The following SPIRE1 variants were observed in gnomAD, a reference collection of about 807,000 sequenced individuals.
The protein encoded by SPIRE1 is protein spire homolog 1.
Under a neutral mutation model 94.1 loss-of-function variants are expected in SPIRE1, and 40 were observed. The ratio of observed to expected loss-of-function variants is 0.43; its 90% confidence interval spans 0.33 to 0.55. The LOEUF is 0.55. Among genes scored for constraint, SPIRE1 ranks in the 20% least tolerant of loss-of-function variants. SPIRE1 has a pLI of 0.06. For missense variants in SPIRE1, 838 were observed against 975.2 expected (o/e 0.86, Z 1.87); for synonymous variants, 376 against 371.7 (o/e 1.01, Z -0.13).
chr18:12,520,875 G>T (rs1311303326), intron 4 of SPIRE1, among the ~76,000 whole-genome samples: 2 of 152,122 alleles, frequency 1.3e-5, no homozygotes, highest in Admixed American at 1.3e-4. Context: ...GACGTCTTGG[G>T]GCTTTTTCTT....
At chr18:12,523,840 T>C (rs970847926) in intron 4 of SPIRE1, among the ~76,000 whole-genome samples, 11 of 152,120 alleles carry the variant, frequency 7.2e-5, no homozygotes, top group East Asian at 1.9e-4. Flanking sequence ...TGAGCCACCA[T>C]GCCAGGTTAA....
intron 4 of SPIRE1, among the ~76,000 whole-genome samples, chr18:12,524,670 A>G (rs1438977856): frequency 6.6e-6 from 1 of 152,168 alleles, no homozygotes; most frequent in African/African-American, 2.4e-5. Context: ...ATTGTGCAGA[A>G]TTACACATTA....
intron 4 of SPIRE1, among the ~76,000 whole-genome samples, chr18:12,513,933 C>T (rs2034116532): frequency 6.6e-6 from 1 of 152,184 alleles, no homozygotes; most frequent in African/African-American, 2.4e-5. Context: ...GCCTCCACTT[C>T]CTGGGGCTCC....
chr18:12,489,368 C>G (rs980247813), intron 8 of SPIRE1, among the ~76,000 whole-genome samples: 3 of 152,190 alleles, frequency 2.0e-5, no homozygotes, highest in Admixed American at 6.5e-5. Flanking sequence ...CAGCACTCTT[C>G]CATCTTCTCT....
intron 2 of SPIRE1, among the ~76,000 whole-genome samples, chr18:12,569,200 A>G (rs983527354): frequency 6.6e-6 from 1 of 152,004 alleles, no homozygotes; most frequent in Non-Finnish European, 1.5e-5. Flanking sequence ...AAAATTAGCC[A>G]GGCATGGTGG....
intron 6 of SPIRE1, among the ~76,000 whole-genome samples, chr18:12,500,727 T>C (rs1353928750): frequency 6.6e-6 from 1 of 152,018 alleles, no homozygotes; most frequent in Non-Finnish European, 1.5e-5. Context: ...AGAACCCAAA[T>C]GTCCATTTGG....
At position 12,559,234 on chromosome 18, in the gene SPIRE1, G is replaced by A. The variant is rs537301179; in HGVS notation, c.373-12330C>T. 6.4e-4 allele frequency among the ~76,000 whole-genome samples: 97 copies of A among 152,256 alleles called. No individual in the cohort carries two copies. Among genetic ancestry groups the A allele is most frequent in the Non-Finnish European group, 1.1e-3 (74 of 67,984 alleles). ...GGCTGCAGGTCCCGAGCCCTGCCCC[G>A]CAGGGAGGCAGCTGAGGCCTAGTGA... On this transcript the variant is annotated intron_variant, in intron 2 of 16. Coordinates refer to ENST00000409402, the MANE Select transcript of SPIRE1 (RefSeq NM_001128626.2). This position sits in a 1 kb window ranked among gnomAD's most constrained non-coding sequence, Gnocchi z 4.7.
intron 10 of SPIRE1, among the ~76,000 whole-genome samples, chr18:12,471,448 C>T (rs1318167290): frequency 1.3e-5 from 2 of 151,706 alleles, no homozygotes; most frequent in African/African-American, 4.8e-5. Context: ...CTCAGCCTCC[C>T]AAATAGCTGG....
intron 2 of SPIRE1, among the ~76,000 whole-genome samples, chr18:12,581,634 C>A (rs184910000): frequency 1.3e-5 from 2 of 152,114 alleles, no homozygotes; most frequent in Non-Finnish European, 2.9e-5. Context: ...GAGGTCAAGG[C>A]GGGCGGATGA....
At chr18:12,659,765 A>G (rs189201176), upstream of SPIRE1, among the ~76,000 whole-genome samples, 392 of 152,336 alleles carry the variant, frequency 2.6e-3, 1 homozygote, top group African/African-American at 9.0e-3. Flanking sequence ...CCCTTAAAGT[A>G]GCATCACTTA....
intron 10 of SPIRE1, among the ~76,000 whole-genome samples, chr18:12,469,744 T>C (rs2032274298): frequency 7.0e-6 from 1 of 143,324 alleles, no homozygotes; most frequent in Admixed American, 7.2e-5. Context: ...ATATTATATA[T>C]AATATAATTA....
At chr18:12,495,561 T>C (rs2033427449) in intron 7 of SPIRE1, among the ~76,000 whole-genome samples, 1 of 152,166 alleles carries the variant, frequency 6.6e-6, no homozygotes, top group Admixed American at 6.5e-5. Context: ...AGCCTTGTAT[T>C]AAATAATTTT....
In SPIRE1 at chr18:12,593,584, G is replaced by A. The variant is rs146817339; in HGVS notation, c.372+41478C>T. ...TATACCCAGCATTACACAGGGCTGGGAAATACAACGGAAACAAGACATAGG... is the reference window on the plus strand; with the variant it reads ...TATACCCAGCATTACACAGGGCTGGAAAATACAACGGAAACAAGACATAGG... On this transcript the variant is annotated intron_variant, in intron 2 of 16. Coordinates refer to ENST00000409402, the MANE Select transcript of SPIRE1 (RefSeq NM_001128626.2). Among the ~76,000 whole-genome samples, 917 of 152,336 alleles carry A rather than the reference G, an allele frequency of 6.0e-3. 5 individuals are homozygous for A. Among genetic ancestry groups the A allele is most frequent in the Middle Eastern group, 0.02 (6 of 294 alleles).
intron 2 of SPIRE1, among the ~76,000 whole-genome samples, chr18:12,584,846 C>T (rs1337078850): frequency 6.6e-6 from 1 of 152,118 alleles, no homozygotes; most frequent in Non-Finnish European, 1.5e-5. Context: ...GTGGCGCGAT[C>T]GCAGCTCACT....
chr18:12,460,686 T>G (rs2031751576), intron 12 of SPIRE1, among the ~76,000 whole-genome samples: 1 of 150,334 alleles, frequency 6.7e-6, no homozygotes, highest in African/African-American at 2.4e-5. Flanking sequence ...CACTCCAGCC[T>G]GCGCAACAAG....
intron 6 of SPIRE1, among the ~76,000 whole-genome samples, chr18:12,497,283 C>G (rs866607274): frequency 1.3e-5 from 2 of 152,158 alleles, no homozygotes; most frequent in South Asian, 4.1e-4. Flanking sequence ...CTTTTTAATG[C>G]AATGTGTTAA....
At position 12,647,387 on chromosome 18, in the gene SPIRE1, G is replaced by A. The variant is rs753710756; in HGVS notation, c.337+10143C>T. Among the ~76,000 whole-genome samples the A allele has an allele frequency of 6.6e-5, 10 of 152,112 alleles. No homozygotes were observed. The East Asian group carries it at 7.7e-4, about 12-fold the overall frequency. ...CATTATTCATACTATCCAGTAAGTCGATATTTGAAACCCAAATATCCATCT... is the reference window on the plus strand; with the variant it reads ...CATTATTCATACTATCCAGTAAGTCAATATTTGAAACCCAAATATCCATCT... On this transcript the variant is annotated intron_variant, in intron 1 of 16. Transcript: ENST00000409402.
intron 10 of SPIRE1, among the ~76,000 whole-genome samples, chr18:12,477,049 C>A (rs941554928): frequency 2.6e-5 from 4 of 152,066 alleles, no homozygotes; most frequent in Non-Finnish European, 4.4e-5. Context: ...GTGTGCCTAG[C>A]AAATCATCTC....
chr18:12,511,641 T>TG (rs1466273164), intron 5 of SPIRE1, among the ~76,000 whole-genome samples: 1 of 152,226 alleles, frequency 6.6e-6, no homozygotes, highest in Non-Finnish European at 1.5e-5. Flanking sequence ...CTTTTTAAAA[T>TG]GGGGAATAGA....
Sources: allele counts gnomAD v4.1 joint callset (sites outside exome capture counted in the v4.1 genomes callset), GRCh38; gene constraint gnomAD v4.1.1; non-coding constraint Gnocchi (gnomAD v3.1); transcripts MANE v1.5; gene names NCBI Gene and HGNC (gene_info 2026-07-23, HGNC 2026-07-21).